Variants in MPP7 observed in about 807,000 individuals in gnomAD.
The protein encoded by MPP7 is MAGUK p55 scaffold protein 7.
Under a neutral mutation model 76.5 loss-of-function variants are expected in MPP7, and 60 were observed. The observed-to-expected ratio is 0.78, with a 90% CI of 0.64 to 0.97. MPP7 has a LOEUF of 0.97. Among genes scored for constraint, MPP7 ranks in the 50% least tolerant of loss-of-function variants. MPP7 has a pLI of 0.00. For synonymous variants in MPP7, 237 were observed against 244.5 expected, an observed-to-expected ratio of 0.97 and a Z score of 0.29; for missense variants, 641 against 694.0, an observed-to-expected ratio of 0.92 and a Z score of 0.86.
Position 28,084,343 on chromosome 10 carries a change from T to G in MPP7, c.1123+5328A>C, listed in dbSNP as rs539422670. 3.9e-5 allele frequency among the ~76,000 whole-genome samples: 6 copies of G among 152,262 alleles called. No homozygotes were observed. The East Asian group carries it at 1.2e-3, about 29-fold the overall frequency. ...CATTCAAACAGAGCAACAAGGCTTC[T>G]CCCTGTGTGCACAGCACCAGACCTC... On this transcript the variant is annotated intron_variant, in intron 12 of 16. Transcript: ENST00000683449.
At chr10:28,238,547 G>T (rs899216344) in intron 2 of MPP7, 21 bp downstream of exon 2, 1 of 1,612,692 alleles carries the variant, frequency 6.2e-7, no homozygotes, top group African/African-American at 1.3e-5. Flanking sequence ...AATGAGAACT[G>T]CCCCTCTTGG....
At chr10:28,147,648 C>T in intron 4 of MPP7, 85 bp from the exon 5 acceptor site, 2 of 1,144,436 alleles carry the variant, frequency 1.7e-6, no homozygotes, top group Non-Finnish European at 2.6e-6. Context: ...ATCTAACTTG[C>T]TCAAGGCTAT....
chr10:28,249,889 A>G (rs759854823), intron 1 of MPP7, among the ~76,000 whole-genome samples: 12 of 152,198 alleles, frequency 7.9e-5, no homozygotes, highest in Non-Finnish European at 1.3e-4. Flanking sequence ...TGTTTTAGCC[A>G]AGAATGATGT....
chr10:28,204,745 G>A (rs922010653), intron 2 of MPP7, among the ~76,000 whole-genome samples: 1 of 152,218 alleles, frequency 6.6e-6, no homozygotes, highest in Non-Finnish European at 1.5e-5. Flanking sequence ...GCAGCATTTA[G>A]CCCTGTGGCT....
At chr10:28,080,541 A>G (rs558491215) in intron 12 of MPP7, among the ~76,000 whole-genome samples, 39 of 152,306 alleles carry the variant, frequency 2.6e-4, no homozygotes, top group South Asian at 1.9e-3. Context: ...TTTATTATAA[A>G]TATGGTTTTG....
chr10:28,056,794 A>G (rs2133313478), intron 15 of MPP7, among the ~76,000 whole-genome samples, 171 bp from the exon 16 acceptor site: 1 of 152,318 alleles, frequency 6.6e-6, no homozygotes, highest in African/African-American at 2.4e-5. Context: ...ACTTCTGAAA[A>G]GAAGCTGGGG....
At chr10:28,274,405 T>C (rs1840428635) in intron 1 of MPP7, among the ~76,000 whole-genome samples, 1 of 152,070 alleles carries the variant, frequency 6.6e-6, no homozygotes, top group Non-Finnish European at 1.5e-5. Context: ...GGCCAAAATT[T>C]TTTTAAAATA....
At chr10:28,229,797 G>A (rs967404784) in intron 2 of MPP7, among the ~76,000 whole-genome samples, 3 of 151,940 alleles carry the variant, frequency 2.0e-5, no homozygotes, top group African/African-American at 4.8e-5. Flanking sequence ...GCTGAGGCAG[G>A]AGAATGGCGT....
chr10:28,317,139 A>G (rs1589047530), intron 2 of MPP7, among the ~76,000 whole-genome samples: 1 of 152,228 alleles, frequency 6.6e-6, no homozygotes, highest in East Asian at 1.9e-4. Flanking sequence ...AACAAAGAGC[A>G]TCCTTGTCAT....
chr10:28,185,164 T>G (rs1002669066), intron 3 of MPP7, among the ~76,000 whole-genome samples: 4 of 148,320 alleles, frequency 2.7e-5, no homozygotes, highest in Non-Finnish European at 6.0e-5. Flanking sequence ...AATAATGTAA[T>G]TATTATGATG....
intron 5 of MPP7, among the ~76,000 whole-genome samples, chr10:28,144,600 T>C (rs992484224): frequency 2.6e-5 from 4 of 152,202 alleles, no homozygotes; most frequent in African/African-American, 9.7e-5. Flanking sequence ...TGCTCTTCCC[T>C]GTACCTAAAT....
At chr10:28,332,226 G>A (rs1245673198) in intron 1 of MPP7, among the ~76,000 whole-genome samples, 1 of 135,868 alleles carries the variant, frequency 7.4e-6, no homozygotes, top group African/African-American at 2.7e-5. Context: ...CACGTACATT[G>A]CCAGTTTGTC....
Position 28,120,297 on chromosome 10 carries a change from G to C in MPP7, c.784C>G (p.Leu262Val), listed in dbSNP as rs1564640664. ...AGLSFKKGDI[L>V]QIMSQDDATW... ...GCATCATCTTGGCTCATAATCTGAA[G>C]AATATCTCCCTTTTTGAAAGAAAGC... is the stretch of plus-strand genomic sequence containing the variant. Residue 262 changes from leucine to valine, a missense_variant, in exon 10 of 17, where the codon CTT becomes GTT. Physicochemically the swap from Leu to Val is conservative, Grantham distance 32. Coordinates refer to ENST00000683449, the MANE Select transcript of MPP7 (RefSeq NM_001318170.2). The C allele has an allele frequency of 6.2e-7, 1 of 1,613,966 alleles. No individual in the cohort carries two copies. Among genetic ancestry groups the C allele is most frequent in the East Asian group, 2.2e-5 (1 of 44,878 alleles).
At chr10:28,257,652 G>C (rs939306413) in intron 1 of MPP7, among the ~76,000 whole-genome samples, 1 of 149,348 alleles carries the variant, frequency 6.7e-6, no homozygotes, top group African/African-American at 2.5e-5. Context: ...GCTAGATGAC[G>C]AGTTAGTGGG....
At chr10:28,119,925 T>C (rs1834777797) in intron 10 of MPP7, among the ~76,000 whole-genome samples, 1 of 152,106 alleles carries the variant, frequency 6.6e-6, no homozygotes, top group Non-Finnish European at 1.5e-5. Context: ...CTTTTTTTTT[T>C]CCACCTTTCA....
intron 11 of MPP7, among the ~76,000 whole-genome samples, chr10:28,094,525 T>C (rs1853472421): frequency 6.6e-6 from 1 of 152,300 alleles, no homozygotes; most frequent in African/African-American, 2.4e-5. Context: ...GTAAGTGCTT[T>C]ACATGTTAGC....
chr10:28,324,552 C>T (rs1306326348), intron 2 of MPP7, among the ~76,000 whole-genome samples: 1 of 152,150 alleles, frequency 6.6e-6, no homozygotes, highest in Non-Finnish European at 1.5e-5. Context: ...CACCCTTTCT[C>T]AGAATAAGAA....
At chr10:28,199,917 A>T (rs1243981475) in intron 3 of MPP7, among the ~76,000 whole-genome samples, 3 of 151,912 alleles carry the variant, frequency 2.0e-5, no homozygotes, top group Admixed American at 2.0e-4. Flanking sequence ...ATCACACGAT[A>T]ACAACTATGA....
chr10:28,183,217 G>T (rs977061782), intron 3 of MPP7, among the ~76,000 whole-genome samples: 2 of 152,174 alleles, frequency 1.3e-5, no homozygotes, highest in Non-Finnish European at 2.9e-5. Flanking sequence ...GTTATCACTG[G>T]CAGGAAAAGG....
Sources: gnomAD v4.1 joint callset for allele counts (sites outside exome capture counted in the v4.1 genomes callset) on GRCh38, gnomAD v4.1.1 for gene constraint, MANE v1.5 for transcripts, NCBI Gene and HGNC (gene_info 2026-07-23, HGNC 2026-07-21) for gene names.